SCHIP1: variants seen among roughly 807,000 people sequenced by gnomAD.
SCHIP1 encodes the protein schwannomin-interacting protein 1.
SCHIP1 carries 8 observed loss-of-function variants against 29.7 expected under a neutral mutation model. The ratio of observed to expected loss-of-function variants is 0.27; its 90% CI spans 0.16 to 0.49. SCHIP1 has a LOEUF of 0.49. Among genes scored for constraint, SCHIP1 ranks in the 20% least tolerant of loss-of-function variants. The pLI, the probability that SCHIP1 is intolerant of heterozygous loss-of-function variation, is 0.99. For synonymous variants in SCHIP1, 76 were observed against 94.9 expected, an observed-to-expected ratio of 0.80 and a Z score of 1.16; for missense variants, 193 against 294.6, an observed-to-expected ratio of 0.66 and a Z score of 2.52.
the SCHIP1 span, among the ~76,000 whole-genome samples, chr3:159,427,849 A>G: frequency 6.6e-6 from 1 of 152,186 alleles, no homozygotes; most frequent in Non-Finnish European, 1.5e-5. Flanking sequence ...AAACAGATAT[A>G]TAGATCAATG....
chr3:159,610,629 C>A, the SCHIP1 span, among the ~76,000 whole-genome samples: 1 of 152,112 alleles, frequency 6.6e-6, no homozygotes, highest in African/African-American at 2.4e-5. Flanking sequence ...GAAACAAAAT[C>A]TATTGACAAT....
At chr3:159,411,786 A>C in the SCHIP1 span, among the ~76,000 whole-genome samples, 11 of 152,320 alleles carry the variant, frequency 7.2e-5, no homozygotes, top group African/African-American at 1.9e-4. Flanking sequence ...CAGTGATCAA[A>C]ATTGAGGTCT....
At chr3:159,491,609 A>C in the SCHIP1 span, among the ~76,000 whole-genome samples, 3 of 152,218 alleles carry the variant, frequency 2.0e-5, no homozygotes, top group African/African-American at 4.8e-5. Flanking sequence ...GTGGCCTGGA[A>C]ATTCGAACTG....
the SCHIP1 span, among the ~76,000 whole-genome samples, chr3:159,391,417 A>C: frequency 1.3e-5 from 2 of 152,188 alleles, no homozygotes; most frequent in Non-Finnish European, 2.9e-5. Context: ...AAACCTTTAG[A>C]TATCTAGGTA....
At chr3:159,833,577 A>G in the SCHIP1 span, among the ~76,000 whole-genome samples, 1 of 152,192 alleles carries the variant, frequency 6.6e-6, no homozygotes, top group African/African-American at 2.4e-5. Flanking sequence ...GACAGGGGAC[A>G]TTATTGTGCC....
chr3:159,560,734 C>T, the SCHIP1 span, among the ~76,000 whole-genome samples: 3 of 151,184 alleles, frequency 2.0e-5, no homozygotes, highest in African/African-American at 7.3e-5. Context: ...TTTTGTTTCT[C>T]TTTCCTGCTG....
the SCHIP1 span, among the ~76,000 whole-genome samples, chr3:159,423,700 G>C: frequency 6.6e-6 from 1 of 152,142 alleles, no homozygotes; most frequent in Non-Finnish European, 1.5e-5. Context: ...GCTTTGAACA[G>C]AGCAGTGGTT....
At chr3:159,551,386 A>C in the SCHIP1 span, among the ~76,000 whole-genome samples, 14 of 152,198 alleles carry the variant, frequency 9.2e-5, no homozygotes, top group Non-Finnish European at 2.9e-5. Flanking sequence ...ACTGCCTAAA[A>C]TGGCCTGCTG....
At chr3:159,425,071 C>G in the SCHIP1 span, among the ~76,000 whole-genome samples, 2 of 151,644 alleles carry the variant, frequency 1.3e-5, no homozygotes, top group Non-Finnish European at 2.9e-5. Context: ...CAACCGGTAC[C>G]AGCCGCTGCA....
At chr3:159,503,342 A>G in the SCHIP1 span, among the ~76,000 whole-genome samples, 1 of 152,208 alleles carries the variant, frequency 6.6e-6, no homozygotes, top group South Asian at 2.1e-4. Flanking sequence ...GTTTGCTTAC[A>G]TGAAATAGTC....
chr3:159,749,955 G>T, the SCHIP1 span, among the ~76,000 whole-genome samples: 1 of 151,840 alleles, frequency 6.6e-6, no homozygotes, highest in Non-Finnish European at 1.5e-5. Context: ...GATAATATTG[G>T]ATATACAGTG....
At chr3:159,708,374 G>A in the SCHIP1 span, among the ~76,000 whole-genome samples, 1 of 152,212 alleles carries the variant, frequency 6.6e-6, no homozygotes, top group African/African-American at 2.4e-5. Context: ...GGTCCCCCAG[G>A]AGAAGCCTAA....
At chr3:159,671,032 A>G in the SCHIP1 span, among the ~76,000 whole-genome samples, 434 of 152,322 alleles carry the variant, frequency 2.8e-3, no homozygotes, top group African/African-American at 9.9e-3. Context: ...TTCTGAGCAC[A>G]GAGCCCTGTG....
chr3:159,631,189 A>G, the SCHIP1 span, among the ~76,000 whole-genome samples: 1 of 152,108 alleles, frequency 6.6e-6, no homozygotes, highest in African/African-American at 2.4e-5. Flanking sequence ...CCAGAAAATA[A>G]CAAGTGTTGG....
chr3:159,546,836 G>A, the SCHIP1 span, among the ~76,000 whole-genome samples: 1 of 152,102 alleles, frequency 6.6e-6, no homozygotes, highest in Admixed American at 6.6e-5. Context: ...GGATATTTGG[G>A]TTGGTTCCAA....
At chr3:159,295,654 C>G in the SCHIP1 span, among the ~76,000 whole-genome samples, 1 of 152,158 alleles carries the variant, frequency 6.6e-6, no homozygotes, top group Non-Finnish European at 1.5e-5. Flanking sequence ...ATCTCTCAGG[C>G]TCTGAGAAAT....
At chr3:159,869,770 C>T (rs1038124609) in intron 2 of SCHIP1, among the ~76,000 whole-genome samples, 2 of 151,768 alleles carry the variant, frequency 1.3e-5, no homozygotes, top group Non-Finnish European at 3.0e-5. Flanking sequence ...ACTGTAATTG[C>T]ATTGATTCTA....
chr3:159,375,868 A>G, the SCHIP1 span: 1 of 459,486 alleles, frequency 2.2e-6, no homozygotes, highest in Non-Finnish European at 2.9e-6. Flanking sequence ...ACTAAGGAAA[A>G]CTTGGAGGAA....
the SCHIP1 span, among the ~76,000 whole-genome samples, chr3:159,275,339 A>G: frequency 5.3e-5 from 8 of 152,274 alleles, no homozygotes; most frequent in African/African-American, 1.9e-4. Flanking sequence ...TTAAACTTAA[A>G]TTGTTCCCTT....
Sources: gnomAD v4.1 joint callset for allele counts (sites outside exome capture counted in the v4.1 genomes callset) on GRCh38, gnomAD v4.1.1 for gene constraint, MANE v1.5 for transcripts, NCBI Gene and HGNC (gene_info 2026-07-23, HGNC 2026-07-21) for gene names.